CLASP1: variants seen among roughly 807,000 people sequenced by gnomAD.
The protein encoded by CLASP1 is cytoplasmic linker associated protein 1.
In CLASP1, 38 loss-of-function variants were observed where a neutral mutation model predicts 192.3. The observed-to-expected ratio is 0.20, with a 90% CI of 0.15 to 0.26. The LOEUF (loss-of-function observed/expected upper bound fraction) is 0.26, where lower values mean the gene tolerates loss of function less well. Among genes scored for constraint, CLASP1 ranks in the 10% least tolerant of loss-of-function variants. The pLI is 1.00. For missense variants in CLASP1, 1,433 were observed against 1,932.5 expected, an observed-to-expected ratio of 0.74 and a Z score of 4.85; for synonymous variants, 691 against 712.8, an observed-to-expected ratio of 0.97 and a Z score of 0.49.
intron 39 of CLASP1, among the ~76,000 whole-genome samples, chr2:121,344,283 C>G (rs1214320206): frequency 2.0e-5 from 3 of 152,054 alleles, no homozygotes; most frequent in African/African-American, 7.2e-5. Flanking sequence ...CATCAGACCT[C>G]TTCGTACAGA....
At chr2:121,469,218 C>T (rs2090223231) in intron 9 of CLASP1, among the ~76,000 whole-genome samples, 1 of 152,110 alleles carries the variant, frequency 6.6e-6, no homozygotes. Context: ...CTCCCGCTGG[C>T]CCAGCTCTAC....
chr2:121,643,479 T>C lies in CLASP1; in HGVS notation c.-286+5893A>G, dbSNP rs543103447. Among the ~76,000 whole-genome samples, 243 of 152,334 alleles carry C rather than the reference T, an allele frequency of 1.6e-3. 3 individuals are homozygous for C. Among genetic ancestry groups the C allele is most frequent in the African/African-American group, 5.2e-3 (217 of 41,578 alleles). On this transcript the variant is annotated intron_variant, in intron 1 of 39. Coordinates refer to ENST00000263710, the Ensembl canonical transcript of CLASP1. ...TGAATTTCATTTGCAGACCTTGATT[T>C]CTCATCTGCAAATTGATAGGATCGT...
intron 8 of CLASP1, among the ~76,000 whole-genome samples, chr2:121,496,499 A>T (rs1446656142): frequency 6.6e-6 from 1 of 152,232 alleles, no homozygotes; most frequent in African/African-American, 2.4e-5. Flanking sequence ...GGGAAAAAGC[A>T]GAGAGAAAAA....
chr2:121,605,775 C>G (rs754579696), exon 2 of CLASP1: 10 of 1,614,018 alleles, frequency 6.2e-6, no homozygotes, highest in South Asian at 3.3e-5. Flanking sequence ...TGGTCATGCT[C>G]AAGGTCAGCA....
intron 30 of CLASP1, among the ~76,000 whole-genome samples, chr2:121,389,545 GC>G (rs1273048707): frequency 2.6e-5 from 4 of 151,230 alleles, no homozygotes; most frequent in African/African-American, 4.9e-5. Flanking sequence ...GAAAGCAGCA[GC>G]CTGGAATTGT....
intron 26 of CLASP1, among the ~76,000 whole-genome samples, chr2:121,402,990 C>T (rs533669835): frequency 5.9e-5 from 9 of 152,160 alleles, no homozygotes; most frequent in Non-Finnish European, 1.2e-4. Context: ...CGCCACCATG[C>T]CCAGCTAATT....
intron 8 of CLASP1, among the ~76,000 whole-genome samples, chr2:121,471,465 G>A (rs1007359748): frequency 6.6e-6 from 1 of 151,938 alleles, no homozygotes; most frequent in Non-Finnish European, 1.5e-5. Context: ...CATGATTTCT[G>A]AAATGGGCAT....
At chr2:121,478,896 C>T (rs2092228325) in intron 8 of CLASP1, among the ~76,000 whole-genome samples, 1 of 74,552 alleles carries the variant, frequency 1.3e-5, no homozygotes, top group Admixed American at 1.3e-4. Flanking sequence ...ACCACACACA[C>T]ACACCACACC....
At chr2:121,545,871 G>A (rs544726504) in intron 2 of CLASP1, among the ~76,000 whole-genome samples, 21 of 151,300 alleles carry the variant, frequency 1.4e-4, no homozygotes, top group African/African-American at 4.4e-4. Flanking sequence ...AAAAAAAAAA[G>A]TGTCTCAGAA....
chr2:121,414,348 G>T (rs1369402816), intron 23 of CLASP1, among the ~76,000 whole-genome samples, 145 bp from the exon 24 acceptor site: 1 of 152,170 alleles, frequency 6.6e-6, no homozygotes, highest in Non-Finnish European at 1.5e-5. Flanking sequence ...GATATGAATG[G>T]ACAGCAAGTG....
chr2:121,473,381 C>T (rs2091096707), intron 8 of CLASP1, among the ~76,000 whole-genome samples: 1 of 151,914 alleles, frequency 6.6e-6, no homozygotes, highest in Non-Finnish European at 1.5e-5. Context: ...AATCAGGGAA[C>T]TTAAACATAT....
At chr2:121,601,966 C>T (rs1018397888) in intron 2 of CLASP1, among the ~76,000 whole-genome samples, 1 of 151,898 alleles carries the variant, frequency 6.6e-6, no homozygotes, top group Non-Finnish European at 1.5e-5. Context: ...CCTGAGGTCA[C>T]GAGTTCGAAA....
In CLASP1 at chr2:121,487,331, G is replaced by GT. The variant is rs898531596; in HGVS notation, c.712+15835dup. On this transcript the variant is annotated intron_variant, in intron 8 of 39. Transcript: ENST00000263710. ...CATGTCTTTAATCTTTGTATGTTTT[G>GT]TTTTTTTTAATGACCTGTTTTAAAT... Among the ~76,000 whole-genome samples, 18 of 151,638 alleles carry GT rather than the reference G, an allele frequency of 1.2e-4. No homozygotes were observed. The East Asian group carries it at 2.1e-3, about 18-fold the overall frequency.
intron 30 of CLASP1, 26 bp downstream of exon 31, chr2:121,397,114 T>C (rs1397363070): frequency 6.2e-7 from 1 of 1,611,276 alleles, no homozygotes; most frequent in South Asian, 1.1e-5. Context: ...CAATCTGTAA[T>C]TACACGTCGG....
At chr2:121,500,392 GAAAGA>G (rs1553601298) in intron 8 of CLASP1, among the ~76,000 whole-genome samples, 2 of 112,202 alleles carry the variant, frequency 1.8e-5, no homozygotes, top group African/African-American at 3.4e-5. Context: ...AAGAAAGAAA[GAAAGA>G]AAAGAAAGAA....
chr2:121,394,846 C>T (rs189173976), intron 30 of CLASP1, among the ~76,000 whole-genome samples: 239 of 152,332 alleles, frequency 1.6e-3, no homozygotes, highest in African/African-American at 5.5e-3. Flanking sequence ...CGCCACTGCA[C>T]TCCAGCCTGG....
rs74330093 is a variant in CLASP1, at chr2:121,539,914, G to A, written c.196-9589C>T. The stretch of plus-strand genomic sequence containing the variant: ...ACTGCAAATTAAATGAGACACTACC[G>A]CACACTCACAATGGCTAAAACGGAA... On this transcript the variant is annotated intron_variant, in intron 2 of 39. Transcript: ENST00000263710. 6.0e-3 allele frequency among the ~76,000 whole-genome samples: 909 copies of A among 152,252 alleles called. 2 individuals carry two copies. Among genetic ancestry groups the A allele is most frequent in the Non-Finnish European group, 0.01 (681 of 68,008 alleles).
At chr2:121,396,766 T>G (rs1233373553) in intron 30 of CLASP1, among the ~76,000 whole-genome samples, 1 of 152,244 alleles carries the variant, frequency 6.6e-6, no homozygotes, top group Non-Finnish European at 1.5e-5. Context: ...TATCAAACTT[T>G]TCAACCACAT....
intron 22 of CLASP1, among the ~76,000 whole-genome samples, chr2:121,418,971 T>A (rs141033585): frequency 6.6e-6 from 1 of 152,140 alleles, no homozygotes; most frequent in African/African-American, 2.4e-5. Flanking sequence ...AGTACGAAGG[T>A]GAAATTACAC....
Sources: allele counts gnomAD v4.1 joint callset (sites outside exome capture counted in the v4.1 genomes callset), GRCh38; gene constraint gnomAD v4.1.1; transcripts MANE v1.5; gene names NCBI Gene and HGNC (gene_info 2026-07-23, HGNC 2026-07-21).